WDR72: variants seen among roughly 807,000 people sequenced by gnomAD.
WDR72 encodes the protein WD repeat-containing protein 72.
A neutral mutation model predicts 124.2 loss-of-function variants in WDR72; 120 were observed. That is an observed-to-expected ratio of 0.97 (90% CI 0.83 to 1.12). The LOEUF is 1.12. WDR72 is among the 50% of genes most tolerant of loss of function. WDR72 has a pLI of 0.00. For missense variants in WDR72, 1,387 were observed against 1,278.8 expected (o/e 1.08, Z -1.29); for synonymous variants, 452 against 441.7 (o/e 1.02, Z -0.29).
chr15:53,742,991 C>T (rs1046239716), intron 1 of WDR72, among the ~76,000 whole-genome samples: 19 of 152,208 alleles, frequency 1.2e-4, no homozygotes, highest in Admixed American at 1.2e-3. Context: ...AATTCCTACA[C>T]AAATTCTTGA....
chr15:53,670,846 T>C (rs2015960336), intron 13 of WDR72, among the ~76,000 whole-genome samples: 1 of 152,056 alleles, frequency 6.6e-6, no homozygotes, highest in Non-Finnish European at 1.5e-5. Context: ...TGTGAGCTGA[T>C]TAACAAACCT....
At chr15:53,662,375 T>C (rs1018533672) in intron 14 of WDR72, among the ~76,000 whole-genome samples, 1 of 152,200 alleles carries the variant, frequency 6.6e-6, no homozygotes, top group African/African-American at 2.4e-5. Flanking sequence ...CCCAGATCTA[T>C]ATGCACTTGC....
chr15:53,588,995 A>G (rs1267744815), intron 18 of WDR72, among the ~76,000 whole-genome samples: 1 of 151,828 alleles, frequency 6.6e-6, no homozygotes, highest in Non-Finnish European at 1.5e-5. Context: ...GAATCCAAAT[A>G]CTGAGGAAAC....
intron 14 of WDR72, among the ~76,000 whole-genome samples, chr15:53,647,027 A>G (rs535814209): frequency 1.3e-4 from 20 of 152,274 alleles, no homozygotes; most frequent in Admixed American, 4.6e-4. Flanking sequence ...TATTAGTCCT[A>G]TGGCAGAGAC....
intron 13 of WDR72, among the ~76,000 whole-genome samples, chr15:53,683,011 C>A (rs1420724632): frequency 6.6e-6 from 1 of 152,150 alleles, no homozygotes; most frequent in Admixed American, 6.5e-5. Context: ...ACAAGGGATG[C>A]CTTACACAGT....
intron 13 of WDR72, among the ~76,000 whole-genome samples, chr15:53,688,671 A>C (rs1004864611): frequency 6.6e-6 from 1 of 152,184 alleles, no homozygotes; most frequent in Non-Finnish European, 1.5e-5. Context: ...TGCCATCCCC[A>C]TCAAGCTACC....
intron 18 of WDR72, among the ~76,000 whole-genome samples, chr15:53,569,325 C>G (rs1334469930): frequency 6.6e-6 from 1 of 151,960 alleles, no homozygotes; most frequent in Non-Finnish European, 1.5e-5. Flanking sequence ...TTAGAGATGA[C>G]AAGGATTGCA....
In WDR72 at chr15:53,723,048, A is replaced by G. The variant is rs1010682851; in HGVS notation, c.154-140T>C. ...AAGTTTTAAGAAAACTGATATATGT[A>G]ATAACAACATCCACAGAGTAATAAA... On this transcript the variant is annotated intron_variant, in intron 2 of 19. Transcript: ENST00000360509. 9 of 750,978 alleles carry G rather than the reference A, an allele frequency of 1.2e-5. No homozygotes were observed. The African/African-American group carries it at 1.6e-4, about 13-fold the overall frequency. 46.5% of individuals were successfully genotyped at this position (750,978 alleles called of 1,614,324 possible).
At chr15:53,682,914 G>A (rs2016448097) in intron 13 of WDR72, among the ~76,000 whole-genome samples, 1 of 152,126 alleles carries the variant, frequency 6.6e-6, no homozygotes, top group Non-Finnish European at 1.5e-5. Context: ...GACAATCTAT[G>A]GAAGAAAGAG....
intron 14 of WDR72, among the ~76,000 whole-genome samples, chr15:53,659,435 G>A (rs1232999689): frequency 6.6e-6 from 1 of 152,074 alleles, no homozygotes; most frequent in Non-Finnish European, 1.5e-5. Flanking sequence ...GATTTACATG[G>A]CCAACGAATG....
chr15:53,650,054 G>T (rs1289535928), intron 14 of WDR72, among the ~76,000 whole-genome samples: 1 of 152,158 alleles, frequency 6.6e-6, no homozygotes, highest in African/African-American at 2.4e-5. Flanking sequence ...TTCATTAGCA[G>T]ATGAATGGAT....
intron 18 of WDR72, among the ~76,000 whole-genome samples, chr15:53,590,621 A>G (rs1173747510): frequency 6.6e-6 from 1 of 152,046 alleles, no homozygotes; most frequent in Non-Finnish European, 1.5e-5. Context: ...GTAATTGGGA[A>G]GCAATGTAAT....
chr15:53,711,593 A>G, intron 7 of WDR72, 112 bp from the exon 8 acceptor site: 1 of 1,050,882 alleles, frequency 9.5e-7, no homozygotes, highest in Non-Finnish European at 1.4e-6. Context: ...TTAATAACAG[A>G]CCATACTGTA....
chr15:53,737,299 C>T (rs1240589217), intron 1 of WDR72, among the ~76,000 whole-genome samples: 1 of 152,032 alleles, frequency 6.6e-6, no homozygotes, highest in Non-Finnish European at 1.5e-5. Context: ...TCCCACAGGC[C>T]AAACCATGGA....
upstream of WDR72, among the ~76,000 whole-genome samples, chr15:53,761,249 A>G (rs763190751): frequency 6.6e-6 from 1 of 152,230 alleles, no homozygotes; most frequent in Non-Finnish European, 1.5e-5. Flanking sequence ...GAGAAATGCA[A>G]ATCAAAACTA....
In WDR72 at chr15:53,616,127, C is replaced by A; in HGVS notation, c.2079G>T (p.Leu693Phe). 2 of 1,604,082 alleles carry A rather than the reference C, an allele frequency of 1.2e-6. No individual in the cohort carries two copies. Among genetic ancestry groups the A allele is most frequent in the South Asian group, 2.2e-5 (2 of 90,122 alleles). Residue 693 changes from leucine (L) to phenylalanine (F), a missense_variant, in exon 15 of 20, where the codon TTG becomes TTT. Transcript: ENST00000360509. The part of the protein sequence containing the change: ...LFDLENLVEL[L>F]LPTPLSDVDS... ...CAACATCACTGAGTGGAGTTGGTAG[C>A]AAAAGTTCAACAAGGTTTTCCAGAT...
At chr15:53,632,503 T>G (rs1191000737) in intron 14 of WDR72, among the ~76,000 whole-genome samples, 1 of 152,030 alleles carries the variant, frequency 6.6e-6, no homozygotes, top group Non-Finnish European at 1.5e-5. Context: ...AGCCCCTACA[T>G]CTAGTCCCCA....
chr15:53,681,896 C>T (rs1210650232), intron 13 of WDR72, among the ~76,000 whole-genome samples: 6 of 151,742 alleles, frequency 4.0e-5, no homozygotes, highest in Admixed American at 3.9e-4. Flanking sequence ...AAAAGTGAAT[C>T]AAATGATGTA....
At chr15:53,567,084 G>C (rs564514162) in intron 18 of WDR72, among the ~76,000 whole-genome samples, 1 of 151,980 alleles carries the variant, frequency 6.6e-6, no homozygotes, top group Non-Finnish European at 1.5e-5. Flanking sequence ...AGAAGCAGGA[G>C]AGCTGCACTC....
Sources: gnomAD v4.1 joint callset for allele counts (sites outside exome capture counted in the v4.1 genomes callset) on GRCh38, gnomAD v4.1.1 for gene constraint, MANE v1.5 for transcripts, NCBI Gene and HGNC (gene_info 2026-07-23, HGNC 2026-07-21) for gene names.